CCAR1: variants seen among roughly 807,000 people sequenced by gnomAD.
The protein encoded by CCAR1 is cell division cycle and apoptosis regulator 1, also known as cell division cycle and apoptosis regulator protein 1.
Under a neutral mutation model 163.8 loss-of-function variants are expected in CCAR1, and 78 were observed. The ratio of observed to expected loss-of-function variants is 0.48; its 90% confidence interval spans 0.40 to 0.57. The LOEUF is 0.57. Ranked by LOEUF, CCAR1 falls within the 20% of genes least tolerant of loss-of-function variation. The pLI is 0.00. For synonymous variants in CCAR1, 443 were observed against 460.7 expected (o/e 0.96, Z 0.49); for missense variants, 1,019 against 1,365.2 (o/e 0.75, Z 4.00).
chr10:68,745,384 C>T (rs2056239626), intron 6 of CCAR1, among the ~76,000 whole-genome samples: 1 of 151,922 alleles, frequency 6.6e-6, no homozygotes, highest in Non-Finnish European at 1.5e-5. Context: ...TCACTGCAGC[C>T]TCAAATTCCC....
intron 4 of CCAR1, among the ~76,000 whole-genome samples, chr10:68,738,795 C>T (rs969612363): frequency 3.3e-5 from 5 of 151,828 alleles, no homozygotes; most frequent in African/African-American, 1.2e-4. Flanking sequence ...GCCTGTAATC[C>T]AAGCACTTTG....
Position 68,749,563 on chromosome 10 carries a change from A to C in CCAR1, c.996A>C (p.Arg332Ser), listed in dbSNP as rs942714982. ...GAGAAAGACGTAGATCGAGAGAAAG[A>C]TCACCTCAGAGGAAACGTTCCCGGG... ...RERERRRSRERSPQRKRSRER... is the reference protein window; with the variant it reads ...RERERRRSRESSPQRKRSRER... The change falls in exon 10 of 25, where the codon AGA becomes AGC. Residue 332 changes from arginine (R) to serine (S), a missense_variant. By Grantham distance (110) the Arg-to-Ser change is moderately radical. Coordinates refer to ENST00000265872, the MANE Select transcript of CCAR1 (RefSeq NM_018237.4). 1 of 1,613,972 alleles carries C rather than the reference A, an allele frequency of 6.2e-7. No individual in the cohort carries two copies. Among genetic ancestry groups the C allele is most frequent in the Non-Finnish European group, 8.5e-7 (1 of 1,179,902 alleles).
chr10:68,787,887 A>G (rs1378943338), intron 21 of CCAR1, 40 bp from the exon 22 acceptor site: 1 of 1,539,744 alleles, frequency 6.5e-7, no homozygotes, highest in Non-Finnish European at 8.8e-7. Flanking sequence ...CAAGAAATGT[A>G]TTTTCATCTC....
chr10:68,778,520 C>G (rs2056695973), intron 19 of CCAR1, among the ~76,000 whole-genome samples: 1 of 90,136 alleles, frequency 1.1e-5, no homozygotes, highest in Non-Finnish European at 2.2e-5. Context: ...TTTCTGGTCT[C>G]TTATCCTCTC....
intron 17 of CCAR1, among the ~76,000 whole-genome samples, chr10:68,769,627 A>G (rs932660970): frequency 2.0e-5 from 3 of 151,754 alleles, no homozygotes; most frequent in Admixed American, 1.3e-4. Context: ...TCTCAAAGAA[A>G]AAATAAATAG....
At chr10:68,748,985 A>G (rs2133350317) in intron 8 of CCAR1, 151 bp from the exon 9 acceptor site, 11 of 857,156 alleles carry the variant, frequency 1.3e-5, no homozygotes, top group East Asian at 5.7e-5. Flanking sequence ...GCCAGTACCT[A>G]TTCTTTAAAA....
At chr10:68,741,866 A>G (rs893533181) in intron 5 of CCAR1, among the ~76,000 whole-genome samples, 10 of 152,214 alleles carry the variant, frequency 6.6e-5, no homozygotes, top group Admixed American at 2.6e-4. Context: ...TTAAAAATAT[A>G]CTTGAATTGA....
intron 8 of CCAR1, among the ~76,000 whole-genome samples, chr10:68,747,970 C>T (rs1309646040): frequency 2.0e-5 from 3 of 152,100 alleles, no homozygotes; most frequent in Admixed American, 6.6e-5. Context: ...TCTCCTGCCT[C>T]AGCCTCCCAA....
chr10:68,760,045 T>G lies in CCAR1; in HGVS notation c.1921-962T>G, dbSNP rs181911676. Among the ~76,000 whole-genome samples, 113 of 152,214 alleles carry G rather than the reference T, an allele frequency of 7.4e-4. No individual in the cohort carries two copies. The Middle Eastern group carries it at 0.024, about 32-fold the overall frequency. Reference sequence around the variant, plus strand: ...TGGGGTTTTGCTATGTTCCCCATGCTGATTTTAAACTCCTGGCCTCAAGCG... The same window carrying G: ...TGGGGTTTTGCTATGTTCCCCATGCGGATTTTAAACTCCTGGCCTCAAGCG... On this transcript the variant is annotated intron_variant, in intron 15 of 24. Transcript: ENST00000265872.
At chr10:68,758,110 A>G (rs2056418657) in intron 15 of CCAR1, among the ~76,000 whole-genome samples, 1 of 152,106 alleles carries the variant, frequency 6.6e-6, no homozygotes, top group African/African-American at 2.4e-5. Flanking sequence ...ACTGGAGTGC[A>G]GTGGAATGAT....
intron 19 of CCAR1, among the ~76,000 whole-genome samples, chr10:68,782,212 T>C (rs1168427064): frequency 6.6e-6 from 1 of 152,146 alleles, no homozygotes; most frequent in Non-Finnish European, 1.5e-5. Context: ...CTAAGAAAGA[T>C]GAAGAAGCTA....
intron 3 of CCAR1, among the ~76,000 whole-genome samples, chr10:68,737,393 T>C (rs1189468502): frequency 1.3e-5 from 2 of 151,520 alleles, no homozygotes; most frequent in Non-Finnish European, 2.9e-5. Context: ...TCCCAGCTGC[T>C]TGGGAGGTTG....
At chr10:68,786,475 C>A in intron 20 of CCAR1, 71 bp from the exon 21 acceptor site, 1 of 1,064,724 alleles carries the variant, frequency 9.4e-7, no homozygotes. Context: ...GCACAGTCTC[C>A]GTTTCTCACT....
At chr10:68,765,858 T>G (rs1451761558) in intron 16 of CCAR1, 30 bp from the exon 17 acceptor site, 1 of 1,548,190 alleles carries the variant, frequency 6.5e-7, no homozygotes, top group Non-Finnish European at 8.9e-7. Context: ...CTTGCAGATT[T>G]AACCTTGACT....
intron 19 of CCAR1, among the ~76,000 whole-genome samples, chr10:68,782,276 A>G (rs1237014358): frequency 3.3e-5 from 5 of 152,140 alleles, no homozygotes; most frequent in African/African-American, 1.2e-4. Context: ...AAGGAAAGCA[A>G]CCATCTCCTT....
chr10:68,778,920 A>C (rs1009426909), intron 19 of CCAR1, among the ~76,000 whole-genome samples: 2 of 152,094 alleles, frequency 1.3e-5, no homozygotes, highest in Non-Finnish European at 2.9e-5. Flanking sequence ...GTGCGATCTC[A>C]GCTCACTCCA....
chr10:68,766,123 AT>A (rs1400297318), intron 17 of CCAR1, 44 bp downstream of exon 17: 12 of 1,140,862 alleles, frequency 1.1e-5, no homozygotes, highest in Non-Finnish European at 1.3e-5. Flanking sequence ...AGGTCCACAC[AT>A]TATGACTAGT....
chr10:68,759,985 C>G (rs555868171), intron 15 of CCAR1, among the ~76,000 whole-genome samples: 1 of 151,962 alleles, frequency 6.6e-6, no homozygotes, highest in African/African-American at 2.4e-5. Context: ...AAGACATGTT[C>G]CACCATGCCT....
At chr10:68,725,497 A>G (rs1012885382) in intron 2 of CCAR1, among the ~76,000 whole-genome samples, 1 of 148,230 alleles carries the variant, frequency 6.7e-6, no homozygotes, top group African/African-American at 2.5e-5. Context: ...TTTAGGAAGA[A>G]TTTTTTTTTT....
Sources: gnomAD v4.1 joint callset for allele counts (sites outside exome capture counted in the v4.1 genomes callset) on GRCh38, gnomAD v4.1.1 for gene constraint, MANE v1.5 for transcripts, NCBI Gene and HGNC (gene_info 2026-07-23, HGNC 2026-07-21) for gene names.